Variants in KHDRBS2 observed in about 807,000 individuals in gnomAD.
KHDRBS2 encodes the protein KH domain-containing, RNA-binding, signal transduction-associated protein 2.
In KHDRBS2, 26 loss-of-function variants were observed where a neutral mutation model predicts 44.3. That is an observed-to-expected ratio of 0.59 (90% CI 0.43 to 0.81). KHDRBS2 has a LOEUF of 0.81. Ranked by LOEUF, KHDRBS2 falls within the 40% of genes least tolerant of loss-of-function variation. The pLI is 0.00. For missense variants in KHDRBS2, 476 were observed against 433.1 expected, an observed-to-expected ratio of 1.10 and a Z score of -0.88; for synonymous variants, 194 against 151.1, an observed-to-expected ratio of 1.28 and a Z score of -2.08.
At chr6:61,552,311 C>G in the KHDRBS2 span, among the ~76,000 whole-genome samples, 1 of 151,906 alleles carries the variant, frequency 6.6e-6, no homozygotes, top group African/African-American at 2.4e-5. Flanking sequence ...TGGCTGCCAA[C>G]TTGGATGCTG....
chr6:61,956,816 A>G (rs758203899), intron 4 of KHDRBS2, among the ~76,000 whole-genome samples: 27 of 152,126 alleles, frequency 1.8e-4, no homozygotes, highest in Non-Finnish European at 3.1e-4. Context: ...ATGCAAACAA[A>G]TAATATCTCA....
intron 2 of KHDRBS2, among the ~76,000 whole-genome samples, chr6:62,051,478 T>C (rs528689801): frequency 1.3e-5 from 2 of 152,118 alleles, no homozygotes; most frequent in South Asian, 4.1e-4. Context: ...CCTCATTGTG[T>C]TCTATTGGTG....
chr6:61,697,024 T>C lies in KHDRBS2; in HGVS notation c.952+171A>G, dbSNP rs544055511. 1.6e-4 allele frequency among the ~76,000 whole-genome samples: 25 copies of C among 152,312 alleles called. No individual in the cohort carries two copies. The South Asian group carries it at 4.6e-3, about 28-fold the overall frequency. On this transcript the variant is annotated intron_variant, in intron 8 of 8. Transcript: ENST00000281156. ...TAAAATTTTGATCAAAATTGATCTGTCTAATTTTCTGGTACTAGCTGTGTA... is the reference window on the plus strand; with the variant it reads ...TAAAATTTTGATCAAAATTGATCTGCCTAATTTTCTGGTACTAGCTGTGTA...
intron 1 of KHDRBS2, among the ~76,000 whole-genome samples, chr6:62,233,130 G>C (rs1833151040): frequency 6.6e-6 from 1 of 152,070 alleles, no homozygotes; most frequent in Non-Finnish European, 1.5e-5. Flanking sequence ...CTAGGAAGAG[G>C]GTAGCTTCCT....
chr6:61,637,757 T>A, the KHDRBS2 span, among the ~76,000 whole-genome samples: 2 of 152,098 alleles, frequency 1.3e-5, no homozygotes, highest in African/African-American at 4.8e-5. Flanking sequence ...CTCATTGTGG[T>A]TTTGATTTGC....
intron 6 of KHDRBS2, among the ~76,000 whole-genome samples, chr6:61,796,501 T>C (rs888892196): frequency 6.6e-5 from 10 of 152,076 alleles, no homozygotes; most frequent in Non-Finnish European, 1.5e-4. Context: ...AGGCATATTC[T>C]TACATTTACA....
the KHDRBS2 span, among the ~76,000 whole-genome samples, chr6:61,549,508 A>G: frequency 6.6e-6 from 1 of 152,114 alleles, no homozygotes. Context: ...GAATAATTAT[A>G]TTTTCCAAGA....
intron 6 of KHDRBS2, among the ~76,000 whole-genome samples, chr6:61,744,299 C>T (rs1052128165): frequency 6.6e-6 from 1 of 151,972 alleles, no homozygotes; most frequent in Non-Finnish European, 1.5e-5. Flanking sequence ...AAAGTGTGTC[C>T]AGGTTAGATG....
At chr6:62,020,347 G>A (rs1034220125) in intron 3 of KHDRBS2, among the ~76,000 whole-genome samples, 3 of 151,936 alleles carry the variant, frequency 2.0e-5, no homozygotes, top group Non-Finnish European at 4.4e-5. Context: ...TTTATTGATA[G>A]CTGTTTTATC....
chr6:61,606,668 G>A, the KHDRBS2 span, among the ~76,000 whole-genome samples: 2 of 152,164 alleles, frequency 1.3e-5, no homozygotes, highest in African/African-American at 4.8e-5. Context: ...AGTAGGTCTT[G>A]TTATGCAGAT....
chr6:61,861,343 T>C (rs1184086522), intron 6 of KHDRBS2, among the ~76,000 whole-genome samples: 2 of 152,126 alleles, frequency 1.3e-5, no homozygotes, highest in Non-Finnish European at 2.9e-5. Context: ...TTTTTATAGT[T>C]TGGGTTTTAC....
At chr6:61,750,348 G>A (rs542747937) in intron 6 of KHDRBS2, among the ~76,000 whole-genome samples, 1 of 152,264 alleles carries the variant, frequency 6.6e-6, no homozygotes, top group Admixed American at 6.5e-5. Flanking sequence ...TACAAAGACT[G>A]GTAAAGTGGG....
rs145983123 is a variant in KHDRBS2 at position 62,205,869 on chromosome 6, G to A, written c.92-28557C>T. ...ATTAACTGTGACAGGAAATGAAAGC[G>A]AAAGAGCAGGTTTGCTGGGATGGAG... is the stretch of plus-strand genomic sequence containing the variant. On this transcript the variant is annotated intron_variant, in intron 1 of 8. Transcript: ENST00000281156. 5.9e-5 allele frequency among the ~76,000 whole-genome samples: 9 copies of A among 152,190 alleles called. No individual in the cohort carries two copies. The East Asian group carries it at 7.8e-4, about 13-fold the overall frequency.
chr6:62,067,364 T>C (rs1007164651), intron 2 of KHDRBS2, among the ~76,000 whole-genome samples: 1 of 151,566 alleles, frequency 6.6e-6, no homozygotes, highest in African/African-American at 2.4e-5. Context: ...TTAAACTCAA[T>C]GTGTCTCATG....
chr6:61,723,908 G>T (rs1040784610), intron 7 of KHDRBS2, among the ~76,000 whole-genome samples: 1 of 152,130 alleles, frequency 6.6e-6, no homozygotes, highest in African/African-American at 2.4e-5. Flanking sequence ...TCATCCAGAA[G>T]AACTTCCCCA....
chr6:62,175,829 T>C (rs1376019147), intron 2 of KHDRBS2, among the ~76,000 whole-genome samples: 21 of 151,502 alleles, frequency 1.4e-4, no homozygotes, highest in Non-Finnish European at 2.5e-4. Flanking sequence ...ACCACTCATA[T>C]GGGAACTTAA....
intron 7 of KHDRBS2, among the ~76,000 whole-genome samples, chr6:61,723,691 C>A (rs1433106568): frequency 6.6e-6 from 1 of 151,936 alleles, no homozygotes; most frequent in Non-Finnish European, 1.5e-5. Context: ...TCAGAAGTAT[C>A]AATAGCAGAA....
At chr6:62,024,043 TA>T (rs968956694) in intron 3 of KHDRBS2, among the ~76,000 whole-genome samples, 13 of 150,966 alleles carry the variant, frequency 8.6e-5, no homozygotes, top group African/African-American at 2.9e-4. Context: ...AATCCCAATA[TA>T]AAAAAAAGTT....
At chr6:61,980,858 T>C (rs765686267) in intron 3 of KHDRBS2, among the ~76,000 whole-genome samples, 4 of 152,182 alleles carry the variant, frequency 2.6e-5, no homozygotes, top group Admixed American at 6.5e-5. Context: ...AGCCAGCTTA[T>C]AGGGACTGCA....
Sources: gnomAD v4.1 joint callset for allele counts (sites outside exome capture counted in the v4.1 genomes callset) on GRCh38, gnomAD v4.1.1 for gene constraint, MANE v1.5 for transcripts, NCBI Gene and HGNC (gene_info 2026-07-23, HGNC 2026-07-21) for gene names.